The following BCLAF1 variants were observed in gnomAD, a reference collection of about 807,000 sequenced individuals.
BCLAF1 encodes the protein bcl-2-associated transcription factor 1.
A neutral mutation model predicts 99.5 loss-of-function variants in BCLAF1; 10 were observed. The observed-to-expected ratio is 0.10, with a 90% confidence interval of 0.06 to 0.17. The LOEUF is 0.17. Ranked by LOEUF, BCLAF1 falls within the 10% of genes least tolerant of loss-of-function variation. The pLI, the probability that BCLAF1 is intolerant of heterozygous loss-of-function variation, is 1.00. For synonymous variants in BCLAF1, 255 were observed against 370.9 expected (o/e 0.69, Z 3.59); for missense variants, 636 against 1,105.8 (o/e 0.58, Z 6.02).
chr6:136,268,371 C>CTT, intron 9 of BCLAF1, 32 bp from the exon 10 acceptor site: 1 of 1,552,988 alleles, frequency 6.4e-7, no homozygotes, highest in East Asian at 2.3e-5. Context: ...AAATGTGATA[C>CTT]TTTTAAAAAG....
At position 136,268,358 on chromosome 6, in the gene BCLAF1, A is replaced by G; in HGVS notation, c.2220-19T>C. The stretch of plus-strand genomic sequence containing the variant: ...ATGTTTACTGCAAAATAAAGAAAAC[A>G]AAAAATGTGATACTTTTAAAAAGAT... On this transcript the variant is annotated intron_variant, in intron 9 of 12. Transcript: ENST00000531224. 1 of 1,571,072 alleles carries G rather than the reference A, an allele frequency of 6.4e-7. No individual in the cohort carries two copies. Among genetic ancestry groups the G allele is most frequent in the Non-Finnish European group, 8.6e-7 (1 of 1,159,862 alleles).
In BCLAF1 at chr6:136,269,561, G is replaced by A. The variant is rs369890576; in HGVS notation, c.2095C>T (p.Arg699Cys). The change falls in exon 9 of 13, where the codon CGC becomes TGC. Residue 699 changes from arginine to cysteine, a missense_variant. Coordinates refer to ENST00000531224, the MANE Select transcript of BCLAF1 (RefSeq NM_014739.3). ...TCTTTACTTCTTTCTTTTCTACGGC[G>A]ATCAATGTCATGCCGAAGGTCAGCA... The part of the protein sequence containing the change: ...DSADLRHDID[R>C]RRKERSKERG... 2 of 1,611,630 alleles carry A rather than the reference G, an allele frequency of 1.2e-6. No homozygotes were observed. The highest frequency in any genetic ancestry group is 2.2e-5 in the South Asian group (2 of 90,858).
In BCLAF1 at chr6:136,256,745, C is replaced by T. The variant is rs753137597; in HGVS notation, c.*4365G>A. 2.4e-4 allele frequency: 37 copies of T among 156,046 alleles called. No individual in the cohort carries two copies. The highest frequency in any genetic ancestry group is 8.9e-4 in the African/African-American group (37 of 41,536). The allele number at this position is 156,046 out of a possible 1,614,324, so 9.7% of individuals were successfully genotyped here. The stretch of plus-strand genomic sequence containing the variant: ...CATTTAACATTCTTTTTCACGGCCA[C>T]CTTACAAGTATCCTGAGAACTCAAC... On this transcript the variant is annotated 3_prime_UTR_variant, in exon 13 of 13. Coordinates refer to ENST00000531224, the MANE Select transcript of BCLAF1 (RefSeq NM_014739.3).
chr6:136,261,622 A>G lies in BCLAF1; in HGVS notation c.2545-145T>C, dbSNP rs1781014962. The G allele has an allele frequency of 3.6e-6, 3 of 831,540 alleles. No homozygotes were observed. The East Asian group carries it at 8.2e-5, about 23-fold the overall frequency. 51.5% of individuals were successfully genotyped at this position (831,540 alleles called of 1,614,324 possible). ...TAAAACACAATAAAACAAAACCAGT[A>G]AAACTGAATTTTTCAACAAAAATAC... On this transcript the variant is annotated intron_variant, in intron 11 of 12. Transcript: ENST00000531224.
At chr6:136,269,190 A>G in intron 9 of BCLAF1, 1 of 1,365,140 alleles carries the variant, frequency 7.3e-7, no homozygotes, top group South Asian at 1.5e-5. Flanking sequence ...CTCCTGATGT[A>G]GCCTGGATAA....
At chr6:136,273,864 G>A in intron 6 of BCLAF1, 1 of 632,394 alleles carries the variant, frequency 1.6e-6, no homozygotes, top group Non-Finnish European at 2.1e-6. Flanking sequence ...TGTTGTAAAT[G>A]TAAAATAGAA....
At chr6:136,287,550 A>T (rs1785313512) in intron 1 of BCLAF1, among the ~76,000 whole-genome samples, 1 of 152,210 alleles carries the variant, frequency 6.6e-6, no homozygotes, top group South Asian at 2.1e-4. Context: ...CTTATTTGGT[A>T]AATAACAAAT....
At chr6:136,267,641 G>A (rs1349411227) in intron 10 of BCLAF1, among the ~76,000 whole-genome samples, 2 of 151,294 alleles carry the variant, frequency 1.3e-5, no homozygotes, top group East Asian at 1.9e-4. Context: ...CAGGCAAGAA[G>A]ATGCACTACC....
intron 2 of BCLAF1, among the ~76,000 whole-genome samples, chr6:136,280,438 A>G (rs1048932923): frequency 1.3e-4 from 20 of 152,160 alleles, no homozygotes; most frequent in African/African-American, 3.9e-4. Flanking sequence ...CTAAGTTTCT[A>G]AACAGCTGGA....
Position 136,258,490 on chromosome 6 carries a change from C to T in BCLAF1, c.*2620G>A, listed in dbSNP as rs987729569. The T allele has an allele frequency of 6.6e-6, 1 of 152,388 alleles. No individual in the cohort carries two copies. The highest frequency in any genetic ancestry group is 2.4e-5 in the African/African-American group (1 of 41,412). 9.4% of individuals were successfully genotyped at this position (152,388 alleles called of 1,614,324 possible). Reference sequence around the variant, plus strand: ...TTATAAAGCATTTATCAAGCCTTACCACACCAGTAATCTTCCTAACAGATG... The same window carrying T: ...TTATAAAGCATTTATCAAGCCTTACTACACCAGTAATCTTCCTAACAGATG... On this transcript the variant is annotated 3_prime_UTR_variant, in exon 13 of 13. Transcript: ENST00000531224.
rs149229523 is a variant in BCLAF1, at chr6:136,286,261, G to T, written c.-115+3452C>A. ...CCCAGATTGTTGTAAACAAAGTAAT[G>T]CTATTTCCATCTTTTCAAATCCTAA... On this transcript the variant is annotated intron_variant, in intron 1 of 12. Coordinates refer to ENST00000531224, the MANE Select transcript of BCLAF1 (RefSeq NM_014739.3). Among the ~76,000 whole-genome samples, 1,154 of 152,212 alleles carry T rather than the reference G, an allele frequency of 7.6e-3. 16 individuals carry two copies. Among genetic ancestry groups the T allele is most frequent in the African/African-American group, 0.026 (1,096 of 41,500 alleles).
rs768073333 is a variant in BCLAF1 at position 136,276,081 on chromosome 6, C to G, written c.1444G>C (p.Asp482His). 1.4e-5 allele frequency: 22 copies of G among 1,607,972 alleles called. No homozygotes were observed. The highest frequency in any genetic ancestry group is 1.9e-5 in the Non-Finnish European group (22 of 1,178,606). ...STTKDKHKEE[D>H]KNSERITVKK... ...ACTGTTATTCTTTCAGAATTTTTGTCTTCTTCTTTGTGCTTATCTTTTGTA... is the reference window on the plus strand; with the variant it reads ...ACTGTTATTCTTTCAGAATTTTTGTGTTCTTCTTTGTGCTTATCTTTTGTA... The change falls in exon 5 of 13, where the codon GAC becomes CAC. Residue 482 changes from aspartate to histidine, a missense_variant. Coordinates refer to ENST00000531224, the MANE Select transcript of BCLAF1 (RefSeq NM_014739.3).
chr6:136,279,759 T>C lies in BCLAF1; in HGVS notation c.104+4A>G. 6.4e-7 allele frequency: 1 copy of C among 1,556,630 alleles called. No homozygotes were observed. ...TTTTAAAAATTTAAAGCACATTAAA[T>C]CACCTGTATCGCTTCTTTCTAGAAT... On this transcript the variant is annotated splice_donor_region_variant and intron_variant, in intron 3 of 12. Transcript: ENST00000531224.
chr6:136,278,187 T>C lies in BCLAF1; in HGVS notation c.694A>G (p.Ile232Val), dbSNP rs140163198. The stretch of plus-strand genomic sequence containing the variant: ...GAACTCTGACTAGGTGGTGTAGCAA[T>C]AGGTGAAGGACTATGGGGTGATCTA... ...SPRSPHSPSP[I>V]ATPPSQSSSC... is the part of the protein sequence containing the mutation. Residue 232 changes from isoleucine (I) to valine (V), a missense_variant, in exon 4 of 13, where the codon ATT becomes GTT. Ile to Val is a conservative substitution (Grantham distance 29, BLOSUM62 3). Around this residue, in one of 9 missense-constraint regions of BCLAF1, gnomAD observed 65 missense variants for 90.9 expected, o/e 0.71. Transcript: ENST00000531224. 7.4e-5 allele frequency: 120 copies of C among 1,613,778 alleles called. No homozygotes were observed. The highest frequency in any genetic ancestry group is 5.3e-4 in the African/African-American group (40 of 74,938).
intron 4 of BCLAF1, 99 bp from the exon 5 acceptor site, chr6:136,276,607 G>A: frequency 7.3e-6 from 10 of 1,375,594 alleles, no homozygotes; most frequent in Non-Finnish European, 9.6e-6. Flanking sequence ...GGACCAGCAA[G>A]AGAGAAAATA....
intron 2 of BCLAF1, among the ~76,000 whole-genome samples, chr6:136,280,692 A>T (rs2128486994): frequency 1.3e-5 from 2 of 152,356 alleles, no homozygotes; most frequent in Middle Eastern, 3.4e-3. Context: ...TTGGGTACAG[A>T]AATCAGTAAC....
In BCLAF1 at chr6:136,256,682, A is replaced by G. The variant is rs1780499774; in HGVS notation, c.*4428T>C. The G allele has an allele frequency of 6.5e-6, 1 of 153,044 alleles. No individual in the cohort carries two copies. The highest frequency in any genetic ancestry group is 1.3e-5 in the Non-Finnish European group (1 of 76,790). 9.5% of individuals were successfully genotyped at this position (153,044 alleles called of 1,614,324 possible). ...AAGACTCCATCTCAATAAATAAATA[A>G]ATAAATAAATAAATAAATAAATAAA... On this transcript the variant is annotated 3_prime_UTR_variant, in exon 13 of 13. Transcript: ENST00000531224.
chr6:136,284,245 GAC>G (rs1784814159), intron 1 of BCLAF1, among the ~76,000 whole-genome samples: 1 of 150,284 alleles, frequency 6.7e-6, no homozygotes, highest in Non-Finnish European at 1.5e-5. Flanking sequence ...ATAAAAAACT[GAC>G]AGAACAGGGA....
intron 6 of BCLAF1, 26 bp from the exon 7 acceptor site, chr6:136,273,213 C>T (rs756476772): frequency 2.8e-5 from 44 of 1,580,406 alleles, no homozygotes; most frequent in Non-Finnish European, 3.6e-5. Context: ...AAATACTGTC[C>T]GATTAGTTAA....
Sources: gnomAD v4.1 joint callset for allele counts (sites outside exome capture counted in the v4.1 genomes callset) on GRCh38, gnomAD v4.1.1 for gene constraint, gnomAD v4.1.1 regional missense constraint, MANE v1.5 for transcripts, NCBI Gene and HGNC (gene_info 2026-07-23, HGNC 2026-07-21) for gene names.